The following FAM193A variants were observed in gnomAD, a reference collection of about 807,000 sequenced individuals.
FAM193A encodes the protein family with sequence similarity 193 member A, also known as protein FAM193A.
Under a neutral mutation model 126.5 loss-of-function variants are expected in FAM193A, and 22 were observed. The observed-to-expected ratio is 0.17, with a 90% CI of 0.12 to 0.25. FAM193A has a LOEUF of 0.25. FAM193A is among the 10% of genes least tolerant of loss of function. FAM193A has a pLI of 1.00. For missense variants in FAM193A, 1,675 were observed against 1,672.8 expected (o/e 1.00, Z -0.02); for synonymous variants, 761 against 646.8 (o/e 1.18, Z -2.68).
intron 4 of FAM193A, among the ~76,000 whole-genome samples, chr4:2,626,857 C>G (rs967980230): frequency 6.6e-6 from 1 of 152,258 alleles, no homozygotes; most frequent in East Asian, 1.9e-4. Context: ...TAATACCTTC[C>G]TTTTTGAGTC....
At chr4:2,544,434 G>A (rs1737425817) in intron 1 of FAM193A, among the ~76,000 whole-genome samples, 2 of 152,072 alleles carry the variant, frequency 1.3e-5, no homozygotes, top group African/African-American at 4.8e-5. Context: ...CAGGCGCTGT[G>A]GCTCACACCT....
At chr4:2,650,497 G>A (rs762475943) in intron 7 of FAM193A, among the ~76,000 whole-genome samples, 16 of 152,176 alleles carry the variant, frequency 1.1e-4, no homozygotes, top group Non-Finnish European at 1.6e-4. Context: ...CTGGCCTCAC[G>A]GGTGCGGTAG....
chr4:2,678,529 ATTG>A (rs769611512), intron 13 of FAM193A, among the ~76,000 whole-genome samples: 87 of 151,300 alleles, frequency 5.8e-4, no homozygotes, highest in Non-Finnish European at 7.7e-4. Flanking sequence ...TGCCTGGCTA[ATTG>A]TTGTATTTTT....
chr4:2,650,323 G>A (rs1052972481), intron 7 of FAM193A, among the ~76,000 whole-genome samples: 1 of 152,196 alleles, frequency 6.6e-6, no homozygotes, highest in Non-Finnish European at 1.5e-5. Context: ...CCCACGCAGG[G>A]TGGTTTATTG....
At position 2,662,996 on chromosome 4, in the gene FAM193A, G is replaced by T. The variant is rs1306973529; in HGVS notation, c.1899+5G>T. The T allele has an allele frequency of 3.1e-6, 5 of 1,605,054 alleles. No homozygotes were observed. In the East Asian group the frequency reaches 1.1e-4, roughly 36 times the overall value. ...AACATGGCCCTGAAGGATGAGGTATGGACATGGCTTCTTCGTAGCAACAAT... is the reference window on the plus strand; with the variant it reads ...AACATGGCCCTGAAGGATGAGGTATTGACATGGCTTCTTCGTAGCAACAAT... On this transcript the variant is annotated splice_donor_5th_base_variant and intron_variant, in intron 11 of 20. Transcript: ENST00000637812.
chr4:2,704,440 C>T (rs1054767481), intron 19 of FAM193A, among the ~76,000 whole-genome samples: 3 of 151,862 alleles, frequency 2.0e-5, no homozygotes, highest in Non-Finnish European at 4.4e-5. Context: ...TGGCACTCAC[C>T]TATAGTCTCA....
intron 19 of FAM193A, among the ~76,000 whole-genome samples, chr4:2,713,825 T>C (rs1719258530): frequency 6.6e-6 from 1 of 152,228 alleles, no homozygotes; most frequent in Non-Finnish European, 1.5e-5. Context: ...TCTGGAGAAG[T>C]AAACTTTGAC....
intron 13 of FAM193A, among the ~76,000 whole-genome samples, chr4:2,682,554 A>G (rs960358652): frequency 2.6e-5 from 4 of 152,214 alleles, no homozygotes; most frequent in African/African-American, 9.6e-5. Context: ...TTAGATTAAT[A>G]TCAGCCATGT....
intron 1 of FAM193A, among the ~76,000 whole-genome samples, chr4:2,583,660 T>C (rs530665641): frequency 6.6e-6 from 1 of 152,306 alleles, no homozygotes; most frequent in African/African-American, 2.4e-5. Flanking sequence ...TGCCAGAAAT[T>C]GTCCTGACAG....
chr4:2,679,487 CT>C lies in FAM193A; in HGVS notation c.2331+7116del, dbSNP rs1037075362. Among the ~76,000 whole-genome samples the C allele has an allele frequency of 8.5e-5, 12 of 140,746 alleles. No individual in the cohort carries two copies. In the Admixed American group the frequency reaches 9.4e-4, roughly 11 times the overall value. The allele number at this position is 140,746 out of a possible 152,430, so 92.3% of individuals were successfully genotyped here. On this transcript the variant is annotated intron_variant, in intron 13 of 20. Transcript: ENST00000637812. ...CTCTGCCTCCCGGGTTCATGTGATT[CT>C]CCTGCCTCAGCCTCCAGAGTAGCTG... is the stretch of plus-strand genomic sequence containing the variant.
At position 2,728,896 on chromosome 4, in the gene FAM193A, C is replaced by CTTTTTTTTTTTTTT. The variant is rs34029424; in HGVS notation, c.4455-2866_4455-2853dup. Among the ~76,000 whole-genome samples the CTTTTTTTTTTTTTT allele has an allele frequency of 4.1e-5, 4 of 97,148 alleles. 1 individual carries two copies. Among genetic ancestry groups the CTTTTTTTTTTTTTT allele is most frequent in the African/African-American group, 2.1e-4 (4 of 19,276 alleles). 63.7% of individuals were successfully genotyped at this position (97,148 alleles called of 152,430 possible). A position where few individuals can be genotyped will look rare whatever the true frequency, so the allele number is the denominator to read the frequency against. Reference sequence around the variant, plus strand: ...AAGCAAATATGTTCCACCTCCAAAACTTTTTTTTTTTTTTTTTTTTTTTTT... The same window carrying CTTTTTTTTTTTTTT: ...AAGCAAATATGTTCCACCTCCAAAACTTTTTTTTTTTTTTTTTTTTTTTTTTTTTTTTTTTTTTT... On this transcript the variant is annotated intron_variant, in intron 20 of 20. Transcript: ENST00000637812.
At chr4:2,669,227 C>T (rs190923614) in intron 12 of FAM193A, among the ~76,000 whole-genome samples, 9 of 152,282 alleles carry the variant, frequency 5.9e-5, no homozygotes, top group South Asian at 2.1e-4. Context: ...TTTAAGTTAC[C>T]GTCTTGTTTT....
At chr4:2,641,065 G>T (rs1269371992) in intron 6 of FAM193A, among the ~76,000 whole-genome samples, 4 of 151,876 alleles carry the variant, frequency 2.6e-5, no homozygotes, top group Non-Finnish European at 5.9e-5. Flanking sequence ...TTTTGAGACA[G>T]TGTCTTGCTC....
At chr4:2,576,238 C>T (rs1739579379) in intron 1 of FAM193A, among the ~76,000 whole-genome samples, 1 of 152,152 alleles carries the variant, frequency 6.6e-6, no homozygotes, top group South Asian at 2.1e-4. Flanking sequence ...GCTGGGATTA[C>T]AGGTGCCCCC....
chr4:2,584,537 G>T (rs1245763031), intron 1 of FAM193A, among the ~76,000 whole-genome samples: 1 of 151,854 alleles, frequency 6.6e-6, no homozygotes, highest in Non-Finnish European at 1.5e-5. Flanking sequence ...CCTGGTATAA[G>T]CACCATTCAG....
At chr4:2,631,531 G>A (rs1328763859) in intron 5 of FAM193A, among the ~76,000 whole-genome samples, 2 of 152,170 alleles carry the variant, frequency 1.3e-5, no homozygotes, top group East Asian at 1.9e-4. Flanking sequence ...TCATTCTTTC[G>A]TTGCTGTAGA....
At chr4:2,594,178 C>G (rs1740719075) in intron 1 of FAM193A, among the ~76,000 whole-genome samples, 1 of 152,168 alleles carries the variant, frequency 6.6e-6, no homozygotes, top group Non-Finnish European at 1.5e-5. Flanking sequence ...TTCATTCTTT[C>G]AATCACTAAT....
At chr4:2,619,487 G>A (rs1237148586) in intron 2 of FAM193A, among the ~76,000 whole-genome samples, 1 of 151,858 alleles carries the variant, frequency 6.6e-6, no homozygotes, top group Non-Finnish European at 1.5e-5. Flanking sequence ...TGTATTTTTA[G>A]TAGAGCTAAA....
intron 5 of FAM193A, among the ~76,000 whole-genome samples, chr4:2,631,999 T>C (rs759271272): frequency 6.6e-6 from 1 of 152,240 alleles, no homozygotes; most frequent in South Asian, 2.1e-4. Context: ...TTGGGTGCTT[T>C]CTTTCTTTTA....
Sources: allele counts gnomAD v4.1 joint callset (sites outside exome capture counted in the v4.1 genomes callset), GRCh38; gene constraint gnomAD v4.1.1; transcripts MANE v1.5; gene names NCBI Gene and HGNC (gene_info 2026-07-23, HGNC 2026-07-21).